The following TCERG1L variants were observed in gnomAD, a reference collection of about 807,000 sequenced individuals.
The protein encoded by TCERG1L is transcription elongation regulator 1 like, also known as transcription elongation regulator 1-like protein.
Under a neutral mutation model 56.3 loss-of-function variants are expected in TCERG1L, and 37 were observed. The ratio of observed to expected loss-of-function variants is 0.66; its 90% CI spans 0.51 to 0.87. The LOEUF is 0.87. Ranked by LOEUF, TCERG1L falls within the 40% of genes least tolerant of loss-of-function variation. The pLI, the probability that TCERG1L is intolerant of heterozygous loss-of-function variation, is 0.00. For synonymous variants in TCERG1L, 324 were observed against 326.3 expected, an observed-to-expected ratio of 0.99 and a Z score of 0.08; for missense variants, 799 against 774.2, an observed-to-expected ratio of 1.03 and a Z score of -0.38.
At chr10:131,274,318 G>A (rs1243978710) in intron 3 of TCERG1L, among the ~76,000 whole-genome samples, 4 of 152,192 alleles carry the variant, frequency 2.6e-5, no homozygotes, top group African/African-American at 7.2e-5. Flanking sequence ...CCTCCAGAGC[G>A]GCACCTGCTC....
chr10:131,280,705 G>GCACACACA (rs59263854), intron 3 of TCERG1L, among the ~76,000 whole-genome samples: 5 of 150,530 alleles, frequency 3.3e-5, no homozygotes, highest in African/African-American at 1.2e-4. Context: ...CCTAAGATGT[G>GCACACACA]CACACACACA....
At chr10:131,099,040 G>T (rs900237129) in intron 10 of TCERG1L, among the ~76,000 whole-genome samples, 2 of 152,198 alleles carry the variant, frequency 1.3e-5, no homozygotes, top group African/African-American at 4.8e-5. Context: ...TTCTGAGGGG[G>T]TCACAGGATG....
At chr10:131,132,344 C>T (rs1845626878) in intron 8 of TCERG1L, among the ~76,000 whole-genome samples, 3 of 152,222 alleles carry the variant, frequency 2.0e-5, no homozygotes. Flanking sequence ...GGAGGCAGCT[C>T]CATGCAAAAC....
intron 11 of TCERG1L, among the ~76,000 whole-genome samples, chr10:131,094,865 A>G (rs1266568716): frequency 6.6e-6 from 1 of 152,172 alleles, no homozygotes; most frequent in Non-Finnish European, 1.5e-5. Context: ...CTGGCTAGAC[A>G]GGCATCTACA....
At chr10:131,205,376 A>C (rs1845508831) in intron 4 of TCERG1L, among the ~76,000 whole-genome samples, 1 of 152,076 alleles carries the variant, frequency 6.6e-6, no homozygotes. Flanking sequence ...AAAAAAAAAA[A>C]AAACAGCAAT....
intron 4 of TCERG1L, among the ~76,000 whole-genome samples, chr10:131,190,161 C>T (rs116473157): frequency 0.03 from 4,524 of 152,144 alleles, 246 homozygotes; most frequent in African/African-American, 0.1. Flanking sequence ...TATGCGCCAA[C>T]TAGAAAACCT....
chr10:131,165,343 C>T lies in TCERG1L; in HGVS notation c.945+1454G>A, dbSNP rs972652772. ...TCTCGAACATCATGCAAGGGACTAC[C>T]AGGAAGGAAGGGGTGGTCTCTTTAC... On this transcript the variant is annotated intron_variant, in intron 5 of 11. Transcript: ENST00000368642. Among the ~76,000 whole-genome samples, 4 of 152,248 alleles carry T rather than the reference C, an allele frequency of 2.6e-5. No homozygotes were observed. In the South Asian group the frequency reaches 6.2e-4, roughly 24 times the overall value.
chr10:131,231,779 A>G (rs61514653), intron 4 of TCERG1L, among the ~76,000 whole-genome samples: 6,950 of 152,168 alleles, frequency 0.046, 368 homozygotes, highest in East Asian at 0.23. Context: ...CCACTTAGCA[A>G]AAAAAAGACC....
chr10:131,177,859 G>A (rs955750033), intron 4 of TCERG1L, among the ~76,000 whole-genome samples: 1 of 150,822 alleles, frequency 6.6e-6, no homozygotes, highest in Non-Finnish European at 1.5e-5. Flanking sequence ...CCACAATCCA[G>A]CTTCTTCCCG....
At chr10:131,176,758 A>ACATGTG (rs1846157426) in intron 4 of TCERG1L, among the ~76,000 whole-genome samples, 3 of 3,552 alleles carry the variant, frequency 8.4e-4, no homozygotes, top group East Asian at 0.01. Flanking sequence ...ACACACCAAA[A>ACATGTG]CACATACACC....
chr10:131,206,743 C>G (rs549638538), intron 4 of TCERG1L, among the ~76,000 whole-genome samples: 1 of 152,224 alleles, frequency 6.6e-6, no homozygotes, highest in African/African-American at 2.4e-5. Flanking sequence ...GCTGGGGCAG[C>G]CCCGACAGTG....
At chr10:131,295,159 T>G (rs1458277655) in intron 3 of TCERG1L, among the ~76,000 whole-genome samples, 1 of 152,252 alleles carries the variant, frequency 6.6e-6, no homozygotes, top group East Asian at 1.9e-4. Flanking sequence ...GTAAGAAGTG[T>G]GTTCCTTGTT....
At chr10:131,124,937 A>C (rs1222209537) in intron 8 of TCERG1L, among the ~76,000 whole-genome samples, 1 of 152,224 alleles carries the variant, frequency 6.6e-6, no homozygotes, top group Non-Finnish European at 1.5e-5. Context: ...ATTTGCTTGT[A>C]AGAATTAAAT....
chr10:131,146,034 C>T (rs1018838406), intron 7 of TCERG1L, among the ~76,000 whole-genome samples: 2 of 152,208 alleles, frequency 1.3e-5, no homozygotes, highest in East Asian at 3.8e-4. Flanking sequence ...AAAATCTCTT[C>T]CCCTGTCCGT....
chr10:131,300,618 C>G (rs1437110667), intron 3 of TCERG1L, among the ~76,000 whole-genome samples: 1 of 152,082 alleles, frequency 6.6e-6, no homozygotes, highest in Non-Finnish European at 1.5e-5. Flanking sequence ...TCACGTTGCT[C>G]TCCTTTCCAT....
chr10:131,164,601 T>C (rs1037158191), intron 5 of TCERG1L, among the ~76,000 whole-genome samples: 1 of 152,226 alleles, frequency 6.6e-6, no homozygotes, highest in Admixed American at 6.5e-5. Flanking sequence ...TAGAATGCTC[T>C]GAGAGATTAT....
At chr10:131,303,025 C>A (rs976421707) in intron 3 of TCERG1L, among the ~76,000 whole-genome samples, 1 of 151,990 alleles carries the variant, frequency 6.6e-6, no homozygotes, top group South Asian at 2.1e-4. Flanking sequence ...TCCAGTCTAT[C>A]GTTGATGGGC....
intron 4 of TCERG1L, among the ~76,000 whole-genome samples, chr10:131,240,860 T>C (rs555372771): frequency 2.1e-4 from 32 of 152,104 alleles, no homozygotes; most frequent in Middle Eastern, 6.8e-3. Context: ...GATTATGAGA[T>C]AGGAGAGGTG....
At chr10:131,253,357 T>C (rs1417130506) in intron 4 of TCERG1L, among the ~76,000 whole-genome samples, 1 of 151,970 alleles carries the variant, frequency 6.6e-6, no homozygotes, top group African/African-American at 2.4e-5. Context: ...TTAGGTAAAC[T>C]GGTCTTCAGT....
Sources: allele counts gnomAD v4.1 joint callset (sites outside exome capture counted in the v4.1 genomes callset), GRCh38; gene constraint gnomAD v4.1.1; transcripts MANE v1.5; gene names NCBI Gene and HGNC (gene_info 2026-07-23, HGNC 2026-07-21).